Variants in SLC24A2 observed in about 807,000 individuals in gnomAD.
The protein encoded by SLC24A2 is sodium/potassium/calcium exchanger 2.
A neutral mutation model predicts 62.0 loss-of-function variants in SLC24A2; 36 were observed. The ratio of observed to expected loss-of-function variants is 0.58; its 90% confidence interval spans 0.44 to 0.77. The LOEUF is 0.77. Among genes scored for constraint, SLC24A2 ranks in the 30% least tolerant of loss-of-function variants. The pLI, the probability that SLC24A2 is intolerant of heterozygous loss-of-function variation, is 0.00. For missense variants in SLC24A2, 846 were observed against 817.9 expected, an observed-to-expected ratio of 1.03 and a Z score of -0.42; for synonymous variants, 358 against 294.0, an observed-to-expected ratio of 1.22 and a Z score of -2.23.
At chr9:20,101,864 A>G in the SLC24A2 span, among the ~76,000 whole-genome samples, 1 of 152,214 alleles carries the variant, frequency 6.6e-6, no homozygotes, top group Non-Finnish European at 1.5e-5. Context: ...TGCCCTTACC[A>G]TTGAAAGCCT....
the SLC24A2 span, among the ~76,000 whole-genome samples, chr9:20,236,954 C>T: frequency 6.7e-6 from 1 of 150,340 alleles, no homozygotes; most frequent in African/African-American, 2.5e-5. Context: ...TGACCCAGAT[C>T]AATGAAGGAT....
chr9:19,899,253 C>G, the SLC24A2 span, among the ~76,000 whole-genome samples: 1 of 152,272 alleles, frequency 6.6e-6, no homozygotes, highest in East Asian at 1.9e-4. Flanking sequence ...GGAAATTGCC[C>G]CCTTGGAAAC....
chr9:19,597,032 G>A (rs540123398), intron 5 of SLC24A2, among the ~76,000 whole-genome samples, 197 bp downstream of exon 5: 1 of 152,110 alleles, frequency 6.6e-6, no homozygotes, highest in African/African-American at 2.4e-5. Flanking sequence ...GGAATAACAT[G>A]ATTACCCATG....
the SLC24A2 span, among the ~76,000 whole-genome samples, chr9:20,275,187 T>G: frequency 2.0e-5 from 3 of 151,638 alleles, no homozygotes; most frequent in African/African-American, 7.3e-5. Flanking sequence ...AACATAGACA[T>G]AGAGCTCAGT....
At chr9:20,233,712 T>G in the SLC24A2 span, among the ~76,000 whole-genome samples, 2 of 152,214 alleles carry the variant, frequency 1.3e-5, no homozygotes, top group Non-Finnish European at 1.5e-5. Flanking sequence ...AATTGAAGCA[T>G]TTAGTCCATT....
chr9:19,954,804 G>C, the SLC24A2 span, among the ~76,000 whole-genome samples: 2 of 152,212 alleles, frequency 1.3e-5, no homozygotes, highest in South Asian at 2.1e-4. Context: ...CTTTACTGGA[G>C]AAGTTATCCT....
chr9:19,546,248 C>G (rs965051361), intron 8 of SLC24A2, among the ~76,000 whole-genome samples: 2 of 152,240 alleles, frequency 1.3e-5, no homozygotes, highest in African/African-American at 4.8e-5. Flanking sequence ...CTCTTCAGAG[C>G]CAGTAGGCAG....
the SLC24A2 span, among the ~76,000 whole-genome samples, chr9:20,274,213 G>C: frequency 6.6e-6 from 1 of 152,144 alleles, no homozygotes; most frequent in Non-Finnish European, 1.5e-5. Flanking sequence ...AGCTGTTGTG[G>C]CTTCAAGGAC....
At chr9:19,912,211 G>T in the SLC24A2 span, among the ~76,000 whole-genome samples, 1 of 152,064 alleles carries the variant, frequency 6.6e-6, no homozygotes, top group South Asian at 2.1e-4. Context: ...ACAAATGTCA[G>T]AGCTGGAAAG....
chr9:19,974,591 T>C, the SLC24A2 span, among the ~76,000 whole-genome samples: 1 of 152,268 alleles, frequency 6.6e-6, no homozygotes, highest in South Asian at 2.1e-4. Context: ...GACCAAAGCC[T>C]CTTTGAAGAG....
At chr9:20,276,396 G>A in the SLC24A2 span, among the ~76,000 whole-genome samples, 5 of 152,350 alleles carry the variant, frequency 3.3e-5, no homozygotes, top group East Asian at 5.8e-4. Context: ...CTCGCATCTT[G>A]GTCACGCTGA....
chr9:19,630,312 G>A (rs1430807021), intron 2 of SLC24A2, among the ~76,000 whole-genome samples: 1 of 152,046 alleles, frequency 6.6e-6, no homozygotes, highest in Non-Finnish European at 1.5e-5. Context: ...AATTCACTGA[G>A]CAAAGGGCAT....
At chr9:19,919,333 T>C in the SLC24A2 span, among the ~76,000 whole-genome samples, 71,130 of 151,834 alleles carry the variant, frequency 0.47, 17,635 homozygotes, top group Non-Finnish European at 0.56. Context: ...TTATTATGCT[T>C]TCGGAGGTGA....
the SLC24A2 span, among the ~76,000 whole-genome samples, chr9:20,081,838 G>T: frequency 1.3e-5 from 2 of 152,194 alleles, no homozygotes; most frequent in Non-Finnish European, 2.9e-5. Flanking sequence ...TTCTATGCCT[G>T]AATTTATAAC....
At chr9:19,966,681 T>C in the SLC24A2 span, among the ~76,000 whole-genome samples, 1 of 152,304 alleles carries the variant, frequency 6.6e-6, no homozygotes, top group South Asian at 2.1e-4. Flanking sequence ...TTGAACATTC[T>C]ATAGGGAAAA....
chr9:20,018,834 C>T, the SLC24A2 span, among the ~76,000 whole-genome samples: 1 of 151,934 alleles, frequency 6.6e-6, no homozygotes, highest in Non-Finnish European at 1.5e-5. Context: ...AAGGCCAAGA[C>T]TGGAGGATTG....
At chr9:20,062,016 G>A in the SLC24A2 span, among the ~76,000 whole-genome samples, 2 of 152,106 alleles carry the variant, frequency 1.3e-5, no homozygotes, top group Admixed American at 6.5e-5. Flanking sequence ...CAGGAGGATT[G>A]CTTGAGGCCA....
the SLC24A2 span, among the ~76,000 whole-genome samples, chr9:20,019,103 T>TAGAAAGAAAGAA: frequency 4.7e-5 from 4 of 84,790 alleles, no homozygotes; most frequent in East Asian, 9.2e-4. Context: ...GAAAGAAAGA[T>TAGAAAGAAAGAA]AGAAAGAAAG....
intron 7 of SLC24A2, among the ~76,000 whole-genome samples, chr9:19,566,165 A>G (rs1450120360): frequency 6.6e-6 from 1 of 152,104 alleles, no homozygotes; most frequent in Non-Finnish European, 1.5e-5. Context: ...AACTACCATC[A>G]GAGTGAACAG....
Sources: gnomAD v4.1 joint callset for allele counts (sites outside exome capture counted in the v4.1 genomes callset) on GRCh38, gnomAD v4.1.1 for gene constraint, MANE v1.5 for transcripts, NCBI Gene and HGNC (gene_info 2026-07-23, HGNC 2026-07-21) for gene names.